The following TTLL3 variants were observed in gnomAD, a reference collection of about 807,000 sequenced individuals.
The protein encoded by TTLL3 is tubulin tyrosine ligase like 3, also known as tubulin monoglycylase TTLL3.
In TTLL3, 63 loss-of-function variants were observed where a neutral mutation model predicts 75.2. The ratio of observed to expected loss-of-function variants is 0.84; its 90% CI spans 0.68 to 1.03. The LOEUF (loss-of-function observed/expected upper bound fraction) is 1.03, where lower values mean the gene tolerates loss of function less well. TTLL3 is among the 50% of genes least tolerant of loss of function. The probability of loss-of-function intolerance (pLI) is 0.00; values close to 1 mark genes in which losing one functional copy is unlikely to be tolerated. For synonymous variants in TTLL3, 393 were observed against 418.5 expected (o/e 0.94, Z 0.74); for missense variants, 997 against 1,069.9 (o/e 0.93, Z 0.95).
intron 6 of TTLL3, 120 bp from the exon 7 acceptor site, chr3:9,818,702 A>G: frequency 6.4e-7 from 1 of 1,565,386 alleles, no homozygotes; most frequent in African/African-American, 1.4e-5. Flanking sequence ...CAGGCTCTAG[A>G]GTCAGAAAAG....
chr3:9,817,768 A>AC lies in TTLL3; in HGVS notation c.559+14dup, dbSNP rs1275216451. Reference sequence around the variant, plus strand: ...CAAAAAAGCCTTCATAGGTAAGGAGACCCCCAGCCCTATGCCTGAACCTCA... The same window carrying AC: ...CAAAAAAGCCTTCATAGGTAAGGAGACCCCCCAGCCCTATGCCTGAACCTCA... On this transcript the variant is annotated intron_variant, in intron 6 of 13. Transcript: ENST00000685419. 26 of 1,613,850 alleles carry AC rather than the reference A, an allele frequency of 1.6e-5. No individual in the cohort carries two copies. The highest frequency in any genetic ancestry group is 4.5e-5 in the East Asian group (2 of 44,848).
In TTLL3 at chr3:9,816,204, TG is replaced by T. The variant is rs1270646236; in HGVS notation, c.444+5del. 3 of 1,350,030 alleles carry T rather than the reference TG, an allele frequency of 2.2e-6. No individual in the cohort carries two copies. The highest frequency in any genetic ancestry group is 3.0e-6 in the Non-Finnish European group (3 of 1,014,026). 83.6% of individuals were successfully genotyped at this position (1,350,030 alleles called of 1,614,324 possible). ...CGGGCTGGCTCCTTTACCACAAAGG[TG>T]GGCTCCCTAGAGGAGCAGGCAGGGC... On this transcript the variant is annotated splice_donor_region_variant and intron_variant, in intron 5 of 13. Transcript: ENST00000685419.
intron 10 of TTLL3, 152 bp downstream of exon 10, chr3:9,827,392 T>G: frequency 7.2e-7 from 1 of 1,387,990 alleles, no homozygotes; most frequent in Admixed American, 2.8e-5. Context: ...CAGCTGTCCT[T>G]GCATCCAACA....
chr3:9,826,578 C>T (rs544462521), intron 9 of TTLL3, among the ~76,000 whole-genome samples: 3 of 151,960 alleles, frequency 2.0e-5, no homozygotes, highest in African/African-American at 7.2e-5. Flanking sequence ...ACTAAAAATA[C>T]AAAAATTGGC....
Position 9,833,253 on chromosome 3 carries a change from C to T in TTLL3, c.1825+8C>T. Reference sequence around the variant, plus strand: ...AGCGAGGCTCTGGGGAAGGCAAGGACTCGGGGACCCCTACCCACAGGTCAG... The same window carrying T: ...AGCGAGGCTCTGGGGAAGGCAAGGATTCGGGGACCCCTACCCACAGGTCAG... On this transcript the variant is annotated splice_region_variant and intron_variant, in intron 12 of 13. Coordinates refer to ENST00000685419, the MANE Select transcript of TTLL3 (RefSeq NM_001387446.1). 2 of 1,613,560 alleles carry T rather than the reference C, an allele frequency of 1.2e-6. No individual in the cohort carries two copies. The highest frequency in any genetic ancestry group is 8.5e-7 in the Non-Finnish European group (1 of 1,179,858).
intron 6 of TTLL3, 118 bp from the exon 7 acceptor site, chr3:9,818,704 T>G: frequency 6.4e-7 from 1 of 1,555,334 alleles, no homozygotes; most frequent in Non-Finnish European, 8.7e-7. Context: ...GGCTCTAGAG[T>G]CAGAAAAGGT....
intron 9 of TTLL3, 138 bp downstream of exon 9, chr3:9,826,086 C>A: frequency 7.2e-7 from 1 of 1,397,362 alleles, no homozygotes; most frequent in Admixed American, 2.7e-5. Flanking sequence ...TAATGTGCTT[C>A]GTGACCTTGA....
At chr3:9,812,558 G>C (rs765377537) in intron 2 of TTLL3, among the ~76,000 whole-genome samples, 1 of 151,962 alleles carries the variant, frequency 6.6e-6, no homozygotes, top group Non-Finnish European at 1.5e-5. Context: ...GTAATCCCAG[G>C]TACTCAAGGA....
intron 2 of TTLL3, among the ~76,000 whole-genome samples, chr3:9,812,376 G>A (rs982835383): frequency 6.6e-6 from 1 of 152,120 alleles, no homozygotes; most frequent in African/African-American, 2.4e-5. Flanking sequence ...TTAGCCGGGC[G>A]CAGTGGCACA....
At chr3:9,833,279 C>T in intron 12 of TTLL3, 34 bp downstream of exon 12, 1 of 1,611,618 alleles carries the variant, frequency 6.2e-7, no homozygotes, top group Admixed American at 1.7e-5. Flanking sequence ...CACAGGTCAG[C>T]TTCTAGGAAA....
rs2079256555 is a variant in TTLL3, at chr3:9,810,577, C to G, written c.-41-44C>G. 6.5e-7 allele frequency: 1 copy of G among 1,542,724 alleles called. No individual in the cohort carries two copies. The highest frequency in any genetic ancestry group is 2.5e-5 in the East Asian group (1 of 40,686). On this transcript the variant is annotated intron_variant, in intron 1 of 13. Coordinates refer to ENST00000685419, the MANE Select transcript of TTLL3 (RefSeq NM_001387446.1). The surrounding 1 kb of genome is among the most constrained non-coding windows in gnomAD (Gnocchi z 4.4). ...AAAGATCCTAGGCCGAGACCCTAGG[C>G]CCAGCCTCAGTGTACCCCGCCCCTA...
At chr3:9,810,005 G>C, upstream of TTLL3, 1 of 1,302,842 alleles carries the variant, frequency 7.7e-7, no homozygotes, top group Non-Finnish European at 9.7e-7. This position sits in a 1 kb window ranked among gnomAD's most constrained non-coding sequence, Gnocchi z 4.4. Flanking sequence ...GGCGAGGGGC[G>C]CATGCAGGGC....
chr3:9,818,812 C>G lies in TTLL3; in HGVS notation c.560-10C>G. 6.2e-7 allele frequency: 1 copy of G among 1,614,090 alleles called. No homozygotes were observed. ...GGGGCTGAGCAGGGTATCCCCTGGC[C>G]TGGGAGCAGAGGACTTCTGGCTGAC... is the stretch of plus-strand genomic sequence containing the variant. On this transcript the variant is annotated splice_polypyrimidine_tract_variant and intron_variant, in intron 6 of 13. Transcript: ENST00000685419.
At chr3:9,816,534 T>TTTTTTTTTTTTTTTTA (rs1559737761) in intron 5 of TTLL3, among the ~76,000 whole-genome samples, 12 of 145,212 alleles carry the variant, frequency 8.3e-5, no homozygotes, top group Admixed American at 2.1e-4. Context: ...TTTTTTTTTT[T>TTTTTTTTTTTTTTTTA]GAGACAGAGT....
At position 9,816,120 on chromosome 3, in the gene TTLL3, G is replaced by A. The variant is rs765959385; in HGVS notation, c.362G>A (p.Arg121Gln). 1.2e-5 allele frequency: 16 copies of A among 1,350,114 alleles called. No individual in the cohort carries two copies. The highest frequency in any genetic ancestry group is 9.4e-5 in the East Asian group (2 of 21,298). The allele number at this position is 1,350,114 out of a possible 1,614,324, so 83.6% of individuals were successfully genotyped here. A position where few individuals can be genotyped will look rare whatever the true frequency, so the allele number is the denominator to read the frequency against. The change falls in exon 5 of 14, where the codon CGG becomes CAG. Residue 121 changes from arginine to glutamine, a missense_variant. By Grantham distance (43) the Arg-to-Gln change is conservative. Transcript: ENST00000685419. Reference sequence around the variant, plus strand: ...ATCCCCTACTTCATCTGGACCACTCGGCGGGATGTGCTCGACTGTCGCTTC... The same window carrying A: ...ATCCCCTACTTCATCTGGACCACTCAGCGGGATGTGCTCGACTGTCGCTTC... ...NEIPYFIWTTRRDVLDCRFLS... is the reference protein window; with the variant it reads ...NEIPYFIWTTQRDVLDCRFLS...
chr3:9,825,527 G>A (rs1476385266), intron 8 of TTLL3: 1 of 510,226 alleles, frequency 2.0e-6, no homozygotes, highest in East Asian at 3.7e-5. Flanking sequence ...ATAGGAAGGG[G>A]GTGGCACAGG....
intron 8 of TTLL3, chr3:9,825,570 A>T: frequency 1.5e-6 from 1 of 654,742 alleles, no homozygotes; most frequent in Non-Finnish European, 2.6e-6. Flanking sequence ...GTTTGCAGTT[A>T]ATGGAATTTT....
At chr3:9,825,288 T>C (rs2080914317) in intron 8 of TTLL3, 1 of 175,690 alleles carries the variant, frequency 5.7e-6, no homozygotes, top group Non-Finnish European at 1.2e-5. Flanking sequence ...CACTGAGCCG[T>C]GATTTCACCA....
At chr3:9,834,378 G>C (rs776138085) in intron 12 of TTLL3, 2 of 585,362 alleles carry the variant, frequency 3.4e-6, no homozygotes, top group Non-Finnish European at 6.5e-6. Flanking sequence ...AGCTCCTTTA[G>C]TGTTTACACC....
Sources: gnomAD v4.1 joint callset for allele counts (sites outside exome capture counted in the v4.1 genomes callset) on GRCh38, gnomAD v4.1.1 for gene constraint, Gnocchi (gnomAD v3.1) non-coding constraint, MANE v1.5 for transcripts, NCBI Gene and HGNC (gene_info 2026-07-23, HGNC 2026-07-21) for gene names.